Variants in PDZRN4 observed in about 807,000 individuals in gnomAD.
PDZRN4 encodes PDZ domain-containing RING finger protein 4.
A neutral mutation model predicts 99.0 loss-of-function variants in PDZRN4; 70 were observed. The observed-to-expected ratio is 0.71, with a 90% CI of 0.58 to 0.86. The LOEUF (loss-of-function observed/expected upper bound fraction) is 0.86. PDZRN4 is among the 40% of genes least tolerant of loss of function. The probability of loss-of-function intolerance (pLI) is 0.00; values close to 1 mark genes in which losing one functional copy is unlikely to be tolerated. For synonymous variants in PDZRN4, 551 were observed against 501.6 expected (o/e 1.10, Z -1.32); for missense variants, 1,474 against 1,331.2 (o/e 1.11, Z -1.67).
At chr12:41,269,452 C>G (rs1435880685) in intron 3 of PDZRN4, among the ~76,000 whole-genome samples, 5 of 152,104 alleles carry the variant, frequency 3.3e-5, no homozygotes. Context: ...CTTGTTACCA[C>G]AGTCAGCATT....
chr12:41,572,530 G>A lies in PDZRN4; in HGVS notation c.1751G>A (p.Ser584Asn). 1 of 1,614,086 alleles carries A rather than the reference G, an allele frequency of 6.2e-7. No homozygotes were observed. The highest frequency in any genetic ancestry group is 8.5e-7 in the Non-Finnish European group (1 of 1,180,012). The change falls in exon 10 of 10, where the codon AGC (serine) becomes AAC (asparagine). Residue 584 changes from serine (S) to asparagine (N), a missense_variant. Transcript: ENST00000402685. The stretch of plus-strand genomic sequence containing the variant: ...GACCCCAATAGCACATCTTTGAAGA[G>A]CAAGAGAGACCTGGGGCAGAGCCAA... ...AEDPNSTSLK[S>N]KRDLGQSQDT...
intron 3 of PDZRN4, among the ~76,000 whole-genome samples, chr12:41,220,204 C>T (rs1044340007): frequency 2.0e-4 from 30 of 152,038 alleles, no homozygotes; most frequent in African/African-American, 7.0e-4. Context: ...GTTTTGGAGG[C>T]TAGAAGTCCA....
intron 3 of PDZRN4, among the ~76,000 whole-genome samples, chr12:41,448,002 C>G (rs529103197): frequency 6.6e-6 from 1 of 152,220 alleles, no homozygotes; most frequent in East Asian, 1.9e-4. Flanking sequence ...GGAAGATGCT[C>G]TTTTCGGCAT....
At chr12:41,425,687 T>C (rs1300902592) in intron 3 of PDZRN4, among the ~76,000 whole-genome samples, 2 of 152,186 alleles carry the variant, frequency 1.3e-5, no homozygotes, top group Non-Finnish European at 2.9e-5. Context: ...TTATTCAACT[T>C]AAGCAAACAA....
chr12:41,444,930 C>A (rs2730820), intron 3 of PDZRN4, among the ~76,000 whole-genome samples: 77,376 of 151,660 alleles, frequency 0.51, 20,205 homozygotes, highest in African/African-American at 0.64. Context: ...ATGCAAAAGA[C>A]CTTTTATAAA....
At chr12:41,268,094 C>G (rs1951290719) in intron 3 of PDZRN4, among the ~76,000 whole-genome samples, 1 of 151,492 alleles carries the variant, frequency 6.6e-6, no homozygotes, top group South Asian at 2.1e-4. Flanking sequence ...ATACTAAGTT[C>G]TGCGACAGAT....
chr12:41,307,411 G>T (rs1951578242), intron 3 of PDZRN4, among the ~76,000 whole-genome samples: 1 of 152,036 alleles, frequency 6.6e-6, no homozygotes, highest in African/African-American at 2.4e-5. Context: ...TCTCTCACTT[G>T]TTCTTCTTAA....
intron 3 of PDZRN4, among the ~76,000 whole-genome samples, chr12:41,493,489 T>A (rs894637186): frequency 3.3e-5 from 5 of 152,186 alleles, no homozygotes; most frequent in African/African-American, 9.6e-5. Context: ...TTGGTGGAGA[T>A]GCATCCACTT....
intron 3 of PDZRN4, among the ~76,000 whole-genome samples, chr12:41,303,721 C>A (rs1284804041): frequency 1.3e-5 from 2 of 152,144 alleles, no homozygotes; most frequent in Non-Finnish European, 2.9e-5. Context: ...TGGCATGCAC[C>A]TAGGCTTCCA....
chr12:41,493,546 A>G (rs1419470991), intron 3 of PDZRN4, among the ~76,000 whole-genome samples: 1 of 152,122 alleles, frequency 6.6e-6, no homozygotes, highest in Non-Finnish European at 1.5e-5. Flanking sequence ...AGTGTCATGT[A>G]AAACATGGTT....
chr12:41,222,431 G>C (rs1009012677), intron 3 of PDZRN4, among the ~76,000 whole-genome samples: 4 of 152,094 alleles, frequency 2.6e-5, no homozygotes, highest in Admixed American at 1.3e-4. Flanking sequence ...ACAGAAATGA[G>C]AAAACTCATT....
chr12:41,552,431 T>C (rs1005286963), intron 5 of PDZRN4, among the ~76,000 whole-genome samples: 9 of 151,956 alleles, frequency 5.9e-5, no homozygotes, highest in Non-Finnish European at 1.2e-4. Flanking sequence ...CAACTGTGTA[T>C]CTCCAAACTT....
At chr12:41,367,684 G>C (rs1952011663) in intron 3 of PDZRN4, among the ~76,000 whole-genome samples, 1 of 151,930 alleles carries the variant, frequency 6.6e-6, no homozygotes, top group Non-Finnish European at 1.5e-5. Context: ...GTGGTAATTT[G>C]TGTGTTCCAT....
At chr12:41,566,217 A>G (rs1046850942) in intron 8 of PDZRN4, among the ~76,000 whole-genome samples, 34 of 152,148 alleles carry the variant, frequency 2.2e-4, no homozygotes, top group African/African-American at 8.0e-4. Context: ...TATTTTCCCC[A>G]CTACTTCATT....
intron 3 of PDZRN4, among the ~76,000 whole-genome samples, chr12:41,484,785 GC>G (rs1474218916): frequency 6.6e-6 from 1 of 152,102 alleles, no homozygotes; most frequent in Admixed American, 6.6e-5. Flanking sequence ...CACAGATGAA[GC>G]TTCTTGTCCT....
intron 3 of PDZRN4, among the ~76,000 whole-genome samples, chr12:41,402,064 G>A (rs1952292581): frequency 8.6e-6 from 1 of 116,864 alleles, no homozygotes; most frequent in Admixed American, 9.8e-5. Context: ...CCCACCCCTG[G>A]AGCAGGAAAA....
chr12:41,496,135 C>T (rs1483577003), intron 3 of PDZRN4, among the ~76,000 whole-genome samples: 1 of 152,122 alleles, frequency 6.6e-6, no homozygotes, highest in African/African-American at 2.4e-5. Flanking sequence ...CCTCCCATGA[C>T]TGTTCTTGGA....
chr12:41,562,132 C>G (rs1939281039), intron 7 of PDZRN4, among the ~76,000 whole-genome samples: 1 of 152,150 alleles, frequency 6.6e-6, no homozygotes, highest in African/African-American at 2.4e-5. Flanking sequence ...CTTATAACCA[C>G]TGAATTTCCT....
At chr12:41,254,315 A>T (rs189675281) in intron 3 of PDZRN4, among the ~76,000 whole-genome samples, 38 of 152,250 alleles carry the variant, frequency 2.5e-4, no homozygotes, top group Non-Finnish European at 5.0e-4. Context: ...TTCCCCAAAT[A>T]CCCAATAGGT....
Sources: allele counts gnomAD v4.1 joint callset (sites outside exome capture counted in the v4.1 genomes callset), GRCh38; gene constraint gnomAD v4.1.1; transcripts MANE v1.5; gene names NCBI Gene and HGNC (gene_info 2026-07-23, HGNC 2026-07-21).